Variants in MAST1 observed in about 807,000 individuals in gnomAD.
MAST1 encodes the protein microtubule associated serine/threonine kinase 1, also known as microtubule-associated serine/threonine-protein kinase 1.
In MAST1, 40 loss-of-function variants were observed where a neutral mutation model predicts 124.6. The ratio of observed to expected loss-of-function variants is 0.32; its 90% CI spans 0.25 to 0.42. The LOEUF (loss-of-function observed/expected upper bound fraction) is 0.42, where lower values mean the gene tolerates loss of function less well. Ranked by LOEUF, MAST1 falls within the 10% of genes least tolerant of loss-of-function variation. MAST1 has a pLI of 1.00. For missense variants in MAST1, 1,558 were observed against 2,181.9 expected (o/e 0.71, Z 5.70); for synonymous variants, 938 against 939.4 (o/e 1.00, Z 0.03).
In MAST1 at chr19:12,847,607, C is replaced by A. The variant is rs752572464; in HGVS notation, c.489-5C>A. On this transcript the variant is annotated splice_region_variant and splice_polypyrimidine_tract_variant and intron_variant, in intron 5 of 25. Transcript: ENST00000251472. The surrounding 1 kb of genome is among the most constrained non-coding windows in gnomAD (Gnocchi z 5.5). ...ACTCGACAAAATGGGCTTCTCTCCC[C>A]GCAGCCCCGGGCGCTCCCCCTCCTC... 5 of 1,614,082 alleles carry A rather than the reference C, an allele frequency of 3.1e-6. No individual in the cohort carries two copies. Among genetic ancestry groups the A allele is most frequent in the Non-Finnish European group, 4.2e-6 (5 of 1,179,962 alleles).
chr19:12,848,591 T>C (rs747856087), intron 7 of MAST1: 2 of 152,988 alleles, frequency 1.3e-5, no homozygotes, highest in Non-Finnish European at 2.9e-5. Context: ...TGCGCCGCTG[T>C]ACTCCAGCCT....
chr19:12,867,965 GAC>G lies in MAST1; in HGVS notation c.2555_2556del (p.Asp852ValfsTer5). The stretch of plus-strand genomic sequence containing the variant: ...AGGGGAAGGCACCTCCAGCGCCGGG[GAC>G]TCCGAGGCCAGTGAGTGCCCTATCG... ...TQGEGTSSAG[D>X]SEATDRPRPG... is the part of the protein sequence containing the mutation. On this transcript the variant is annotated frameshift_variant, in exon 20 of 26. Coordinates refer to ENST00000251472, the MANE Select transcript of MAST1 (RefSeq NM_014975.3). LOFTEE classifies it high-confidence loss of function. 6.4e-7 allele frequency: 1 copy of G among 1,552,644 alleles called. No homozygotes were observed. Among genetic ancestry groups the G allele is most frequent in the Non-Finnish European group, 8.7e-7 (1 of 1,152,256 alleles).
chr19:12,871,327 G>A (rs1472020433), intron 24 of MAST1, among the ~76,000 whole-genome samples, 155 bp downstream of exon 24: 2 of 152,116 alleles, frequency 1.3e-5, no homozygotes, highest in South Asian at 2.1e-4. Flanking sequence ...AGGGGCTGCG[G>A]GCTGGGCGCG....
At chr19:12,873,294 A>G (rs1970261654) in intron 24 of MAST1, 30 bp from the exon 25 acceptor site, 1 of 1,599,104 alleles carries the variant, frequency 6.3e-7, no homozygotes, top group African/African-American at 1.3e-5. Flanking sequence ...GTCCAGGTCA[A>G]GGACGCTTGG....
intron 22 of MAST1, among the ~76,000 whole-genome samples, chr19:12,870,180 CAAAAAA>C (rs35731863): frequency 3.3e-5 from 1 of 30,610 alleles, no homozygotes; most frequent in African/African-American, 1.5e-4. Context: ...GACACCATCT[CAAAAAA>C]AAAAAAAAAA....
intron 11 of MAST1, 22 bp downstream of exon 11, chr19:12,858,463 C>T (rs1970042554): frequency 2.5e-6 from 4 of 1,612,028 alleles, no homozygotes; most frequent in African/African-American, 1.3e-5. Flanking sequence ...GGGGCTCTGG[C>T]GGGGGGAGGG....
At chr19:12,864,737 G>T (rs1233371179) in intron 12 of MAST1, 72 bp from the exon 13 acceptor site, 5 of 1,582,412 alleles carry the variant, frequency 3.2e-6, no homozygotes, top group Non-Finnish European at 2.6e-6. Flanking sequence ...AACATGAGAA[G>T]TTGGTGCTAT....
chr19:12,851,798 C>T, intron 7 of MAST1, 136 bp from the exon 8 acceptor site: 1 of 660,254 alleles, frequency 1.5e-6, no homozygotes, highest in Non-Finnish European at 2.6e-6. Context: ...ATTATTTTTA[C>T]TGTGTGGCTT....
chr19:12,868,454 G>T, intron 20 of MAST1, 189 bp from the exon 21 acceptor site: 1 of 522,218 alleles, frequency 1.9e-6, no homozygotes, highest in Admixed American at 3.7e-5. Flanking sequence ...ACCATGGTCA[G>T]TCAGTGATAC....
chr19:12,845,678 TG>T (rs1367352080), intron 4 of MAST1, among the ~76,000 whole-genome samples: 1 of 140,786 alleles, frequency 7.1e-6, no homozygotes, highest in Non-Finnish European at 1.5e-5. Flanking sequence ...TTTTTTGAGA[TG>T]GAGTCTCACT....
At position 12,867,869 on chromosome 19, in the gene MAST1, C is replaced by A. The variant is rs1455735147; in HGVS notation, c.2458C>A (p.Arg820Ser). 4 of 1,606,996 alleles carry A rather than the reference C, an allele frequency of 2.5e-6. No homozygotes were observed. Among genetic ancestry groups the A allele is most frequent in the Non-Finnish European group, 3.4e-6 (4 of 1,177,288 alleles). ...AGAGGACGAGGATGAGGCCCGGCTG[C>A]GCAGGCCTCCCCGGCCCAGCTCCGA... ...PQEDEDEARL[R>S]RPPRPSSDPA... The change falls in exon 20 of 26, where the codon CGC (arginine) becomes AGC (serine). Residue 820 changes from arginine to serine, a missense_variant. Transcript: ENST00000251472.
Position 12,873,667 on chromosome 19 carries a change from G to A in MAST1, c.3510G>A (p.Ser1170=), listed in dbSNP as rs1428308418. The A allele has an allele frequency of 1.3e-6, 2 of 1,597,372 alleles. No homozygotes were observed. The highest frequency in any genetic ancestry group is 3.4e-5 in the Admixed American group (2 of 59,686). The part of the protein sequence containing the change: ...ASSTPNSPAS[S]ASHHIRPSTL... ...GCACGCCCAACTCGCCTGCGTCGTCGGCGTCGCACCACATTCGGCCCAGCA... is the reference window on the plus strand; with the variant it reads ...GCACGCCCAACTCGCCTGCGTCGTCAGCGTCGCACCACATTCGGCCCAGCA... The change falls in exon 26 of 26, where the codon TCG becomes TCA. Residue 1170 remains serine (S), a synonymous_variant. Coordinates refer to ENST00000251472, the MANE Select transcript of MAST1 (RefSeq NM_014975.3).
Position 12,867,522 on chromosome 19 carries a change from G to A in MAST1, c.2188G>A (p.Val730Ile). Residue 730 changes from valine to isoleucine, a missense_variant, in exon 19 of 26, where the codon GTA (valine) becomes ATA (isoleucine). By Grantham distance (29) the Val-to-Ile change is conservative. Around this residue, in one of 10 missense-constraint regions of MAST1, gnomAD observed 287 missense variants for 308.0 expected, o/e 0.93. Transcript: ENST00000251472. ...GTCGCAGCACGAGCCCAAGACCCCA[G>A]TAGCAGCTGCAGGGAGCAGCAAGCG... is the stretch of plus-strand genomic sequence containing the variant. ...QLSQHEPKTP[V>I]AAAGSSKREP... 6.2e-7 allele frequency: 1 copy of A among 1,613,854 alleles called. No individual in the cohort carries two copies. Among genetic ancestry groups the A allele is most frequent in the Non-Finnish European group, 8.5e-7 (1 of 1,179,994 alleles).
At chr19:12,840,792 C>A (rs939410184) in intron 2 of MAST1, among the ~76,000 whole-genome samples, 199 bp from the exon 3 acceptor site, 2 of 148,926 alleles carry the variant, frequency 1.3e-5, no homozygotes, top group African/African-American at 5.0e-5. Flanking sequence ...CGGGGCCATC[C>A]CAGATGAAGC....
At chr19:12,870,450 C>T (rs1970217449) in intron 22 of MAST1, among the ~76,000 whole-genome samples, 1 of 147,762 alleles carries the variant, frequency 6.8e-6, no homozygotes, top group Non-Finnish European at 1.5e-5. Context: ...GACATCGCGC[C>T]ACTGCACTCC....
In MAST1 at chr19:12,871,749, C is replaced by T. The variant is rs138480221; in HGVS notation, c.3263+577C>T. 6.6e-5 allele frequency among the ~76,000 whole-genome samples: 10 copies of T among 151,892 alleles called. No homozygotes were observed. In the East Asian group the frequency reaches 1.9e-3, roughly 29 times the overall value. The stretch of plus-strand genomic sequence containing the variant: ...GGGGCAACATAGAGAGACCCCATCT[C>T]TACAAAAAACTTAAAAAACTAGTTG... On this transcript the variant is annotated intron_variant, in intron 24 of 25. Coordinates refer to ENST00000251472, the MANE Select transcript of MAST1 (RefSeq NM_014975.3).
chr19:12,873,778 G>A lies in MAST1; in HGVS notation c.3621G>A (p.Leu1207=), dbSNP rs1185815252. 2.5e-6 allele frequency: 4 copies of A among 1,599,592 alleles called. No homozygotes were observed. The highest frequency in any genetic ancestry group is 3.3e-5 in the Admixed American group (2 of 59,712). ...CCGGCAACATCCCTCTATCGCCGCT[G>A]GCACACACGCCGTCCCCCACGCAGG... ...KSAGNIPLSP[L]AHTPSPTQAS... The change falls in exon 26 of 26, where the codon CTG becomes CTA. Residue 1207 remains leucine (L), a synonymous_variant. Transcript: ENST00000251472.
At position 12,874,526 on chromosome 19, in the gene MAST1, T is replaced by C; in HGVS notation, c.4369T>C (p.Ser1457Pro). The C allele has an allele frequency of 6.5e-7, 1 of 1,526,860 alleles. No individual in the cohort carries two copies. Among genetic ancestry groups the C allele is most frequent in the Non-Finnish European group, 8.8e-7 (1 of 1,140,918 alleles). 94.6% of individuals were successfully genotyped at this position (1,526,860 alleles called of 1,614,324 possible). A position where few individuals can be genotyped will look rare whatever the true frequency, so the allele number is the denominator to read the frequency against. ...AVVPQPLGAD[S>P]KGLQEPAPLA... ...GGTGCCTCAGCCTCTGGGCGCGGAC[T>C]CCAAGGGGTTGCAGGAACCCGCACC... The change falls in exon 26 of 26, where the codon TCC (serine) becomes CCC (proline). Residue 1457 changes from serine (S) to proline (P), a missense_variant. By Grantham distance (74) the Ser-to-Pro change is moderately conservative (BLOSUM62 -1). Around this residue, in one of 10 missense-constraint regions of MAST1, gnomAD observed 263 missense variants for 310.9 expected, o/e 0.85. Coordinates refer to ENST00000251472, the MANE Select transcript of MAST1 (RefSeq NM_014975.3). The surrounding 1 kb of genome is among the most constrained non-coding windows in gnomAD (Gnocchi z 6.6).
intron 12 of MAST1, among the ~76,000 whole-genome samples, chr19:12,861,577 G>A (rs1003677151): frequency 3.3e-5 from 5 of 152,172 alleles, no homozygotes; most frequent in African/African-American, 1.2e-4. Context: ...ATGAAGGGGC[G>A]CTGATGAGGA....
Sources: gnomAD v4.1 joint callset for allele counts (sites outside exome capture counted in the v4.1 genomes callset) on GRCh38, gnomAD v4.1.1 for gene constraint, gnomAD v4.1.1 regional missense constraint, Gnocchi (gnomAD v3.1) non-coding constraint, MANE v1.5 for transcripts, NCBI Gene and HGNC (gene_info 2026-07-23, HGNC 2026-07-21) for gene names.